Variants in SETD2 observed in about 807,000 individuals in gnomAD.
The protein encoded by SETD2 is SET domain containing 2, histone lysine methyltransferase, also known as histone-lysine N-methyltransferase SETD2.
Under a neutral mutation model 242.1 loss-of-function variants are expected in SETD2, and 31 were observed. That is an observed-to-expected ratio of 0.13 (90% CI 0.10 to 0.17). The LOEUF (loss-of-function observed/expected upper bound fraction) is 0.17, where lower values mean the gene tolerates loss of function less well. Ranked by LOEUF, SETD2 falls within the 10% of genes least tolerant of loss-of-function variation. SETD2 has a pLI of 1.00. For missense variants in SETD2, 2,481 were observed against 3,046.3 expected (o/e 0.81, Z 4.37); for synonymous variants, 1,006 against 1,066.5 (o/e 0.94, Z 1.11).
chr3:47,129,138 G>C (rs1050130203), intron 1 of SETD2, among the ~76,000 whole-genome samples: 7 of 152,016 alleles, frequency 4.6e-5, no homozygotes, highest in African/African-American at 1.7e-4. Flanking sequence ...AGAAATCAAA[G>C]AATTGTTTGA....
chr3:47,053,053 C>A (rs1036466698), intron 15 of SETD2, among the ~76,000 whole-genome samples: 1 of 151,850 alleles, frequency 6.6e-6, no homozygotes, highest in Non-Finnish European at 1.5e-5. Context: ...TCATGCCCAG[C>A]TAATTTTTGT....
chr3:47,138,321 G>A, intron 1 of SETD2: 2 of 271,130 alleles, frequency 7.4e-6, no homozygotes, highest in Non-Finnish European at 1.5e-5. Context: ...CCAGGCTGGA[G>A]TACAGTGGCG....
At chr3:47,045,581 C>T (rs1422817293) in intron 16 of SETD2, among the ~76,000 whole-genome samples, 1 of 148,566 alleles carries the variant, frequency 6.7e-6, no homozygotes, top group Non-Finnish European at 1.5e-5. Context: ...ACCTGTAGTC[C>T]CAGCTACTCA....
intron 9 of SETD2, 85 bp downstream of exon 9, chr3:47,097,870 T>A (rs1414528987): frequency 8.9e-6 from 12 of 1,354,410 alleles, no homozygotes; most frequent in South Asian, 5.0e-5. Flanking sequence ...GTGGCAGTAG[T>A]ATGACTTTAT....
chr3:47,076,553 T>C (rs1377359022), intron 12 of SETD2, among the ~76,000 whole-genome samples: 1 of 152,170 alleles, frequency 6.6e-6, no homozygotes, highest in Non-Finnish European at 1.5e-5. Context: ...AAAGTAACTC[T>C]TACTACAAAG....
At chr3:47,076,238 G>A (rs1255153840) in intron 12 of SETD2, among the ~76,000 whole-genome samples, 1 of 152,228 alleles carries the variant, frequency 6.6e-6, no homozygotes, top group Non-Finnish European at 1.5e-5. Context: ...GAATGTATGT[G>A]TGTGAATATT....
intron 18 of SETD2, among the ~76,000 whole-genome samples, chr3:47,035,375 C>G (rs1448055915): frequency 1.3e-5 from 2 of 152,190 alleles, no homozygotes; most frequent in Non-Finnish European, 2.9e-5. Context: ...TGTTACTGAT[C>G]AAATCACTTT....
chr3:47,060,675 C>T (rs932031588), intron 14 of SETD2, among the ~76,000 whole-genome samples: 1 of 151,980 alleles, frequency 6.6e-6, no homozygotes, highest in Non-Finnish European at 1.5e-5. Context: ...AAAAAATCAC[C>T]TCCTCAAGGG....
chr3:47,054,628 C>A (rs189341216), intron 15 of SETD2, among the ~76,000 whole-genome samples: 4 of 152,130 alleles, frequency 2.6e-5, no homozygotes. Flanking sequence ...TCTCCCTACA[C>A]ACACACACAA....
intron 1 of SETD2, among the ~76,000 whole-genome samples, chr3:47,147,827 G>A (rs1364700929): frequency 6.7e-6 from 1 of 148,970 alleles, no homozygotes; most frequent in Non-Finnish European, 1.5e-5. Context: ...GGAGGCTGAA[G>A]CAGGAGAATG....
intron 5 of SETD2, among the ~76,000 whole-genome samples, chr3:47,112,357 C>A (rs1484835676): frequency 1.3e-5 from 2 of 152,258 alleles, no homozygotes; most frequent in African/African-American, 4.8e-5. Flanking sequence ...TCTCGGCTCA[C>A]TGCAACCTTC....
intron 13 of SETD2, among the ~76,000 whole-genome samples, chr3:47,065,666 G>A (rs1260376906): frequency 1.3e-5 from 2 of 152,108 alleles, no homozygotes; most frequent in African/African-American, 2.4e-5. Context: ...AACCAGGCAT[G>A]GTGGCACACA....
rs2043647012 is a variant in SETD2, at chr3:47,138,514, C to A, written c.72-11851G>T. On this transcript the variant is annotated intron_variant, in intron 1 of 20. Transcript: ENST00000409792. ...TCGGCTCACCACAACCTCCACCTCC[C>A]AGGTTCAAGTGATTCTCCTGCCTCA... Among the ~76,000 whole-genome samples, 3 of 151,992 alleles carry A rather than the reference C, an allele frequency of 2.0e-5. No homozygotes were observed. In the South Asian group the frequency reaches 6.2e-4, roughly 32 times the overall value.
chr3:47,032,189 T>G (rs1469071079), intron 18 of SETD2, among the ~76,000 whole-genome samples: 2 of 152,136 alleles, frequency 1.3e-5, no homozygotes, highest in East Asian at 1.9e-4. Flanking sequence ...CACCAAACTT[T>G]GAGAACCACT....
chr3:47,029,065 A>ATT (rs35295276), intron 18 of SETD2: 85 of 156,706 alleles, frequency 5.4e-4, no homozygotes, highest in South Asian at 1.5e-3. Flanking sequence ...CAAACTTTTA[A>ATT]TTTTTTTTTT....
intron 1 of SETD2, among the ~76,000 whole-genome samples, chr3:47,134,770 T>C (rs2106771969): frequency 6.6e-6 from 1 of 152,162 alleles, no homozygotes; most frequent in Middle Eastern, 3.4e-3. Context: ...ATTATAGGCA[T>C]GTGCCGCCAC....
At chr3:47,047,219 T>C (rs1324898274) in intron 15 of SETD2, among the ~76,000 whole-genome samples, 1 of 152,176 alleles carries the variant, frequency 6.6e-6, no homozygotes, top group African/African-American at 2.4e-5. Flanking sequence ...ATTTATACAG[T>C]GTTCTATGAT....
At position 47,017,323 on chromosome 3, in the gene SETD2, G is replaced by C; in HGVS notation, c.7534-69C>G. On this transcript the variant is annotated intron_variant, in intron 20 of 20. Coordinates refer to ENST00000409792, the MANE Select transcript of SETD2 (RefSeq NM_014159.7). This position sits in a 1 kb window ranked among gnomAD's most constrained non-coding sequence, Gnocchi z 4.8. Reference sequence around the variant, plus strand: ...CAGAAATTATATGAGGGGGAGGACAGGGGTGGTAATCCAGCCTGCTGCTTC... The same window carrying C: ...CAGAAATTATATGAGGGGGAGGACACGGGTGGTAATCCAGCCTGCTGCTTC... 6.4e-7 allele frequency: 1 copy of C among 1,555,310 alleles called. No homozygotes were observed. The highest frequency in any genetic ancestry group is 2.3e-5 in the East Asian group (1 of 44,328).
chr3:47,155,079 T>C (rs991246898), intron 1 of SETD2, among the ~76,000 whole-genome samples: 2 of 152,102 alleles, frequency 1.3e-5, no homozygotes, highest in African/African-American at 4.8e-5. Flanking sequence ...AGTAATAAAG[T>C]ACTTCCAAAA....
Sources: allele counts gnomAD v4.1 joint callset (sites outside exome capture counted in the v4.1 genomes callset), GRCh38; gene constraint gnomAD v4.1.1; non-coding constraint Gnocchi (gnomAD v3.1); transcripts MANE v1.5; gene names NCBI Gene and HGNC (gene_info 2026-07-23, HGNC 2026-07-21).